Variants in SCGB1D2 observed in about 807,000 individuals in gnomAD.
SCGB1D2 encodes secretoglobin family 1D member 2.
In SCGB1D2, 10 loss-of-function variants were observed where a neutral mutation model predicts 10.5. The observed-to-expected ratio is 0.95, with a 90% CI of 0.59 to 1.61. SCGB1D2 has a LOEUF of 1.61. Among genes scored for constraint, SCGB1D2 ranks in the 40% most tolerant of loss-of-function variants. The pLI is 0.00. For missense variants in SCGB1D2, 113 were observed against 103.8 expected (o/e 1.09, Z -0.38); for synonymous variants, 42 against 42.8 (o/e 0.98, Z 0.08).
At chr11:62,243,107 A>G (rs753609394) in intron 1 of SCGB1D2, among the ~76,000 whole-genome samples, 182 bp from the exon 2 acceptor site, 6 of 152,142 alleles carry the variant, frequency 3.9e-5, no homozygotes, top group Non-Finnish European at 8.8e-5. Flanking sequence ...TGTTGATATG[A>G]AGTGCTTTCC....
At chr11:62,242,416 A>T (rs1312271077) in intron 1 of SCGB1D2, 54 bp downstream of exon 1, 1 of 1,575,436 alleles carries the variant, frequency 6.3e-7, no homozygotes, top group Admixed American at 1.7e-5. Flanking sequence ...ACCCTCTTCC[A>T]AGCACGAGGT....
rs768545378 is a variant in SCGB1D2, at chr11:62,243,339, T to C, written c.106T>C (p.Phe36Leu). ...TGTTTCTGAGCTGTTAGACTTCTTC[T>C]TCATTAGTGAACCTCTGTTCAAGTT... ...ALVSELLDFFFISEPLFKLSL... is the reference protein window; with the variant it reads ...ALVSELLDFFLISEPLFKLSL... The change falls in exon 2 of 3, where the codon TTC becomes CTC. Residue 36 changes from phenylalanine to leucine, a missense_variant. Physicochemically the swap from Phe to Leu is conservative, Grantham distance 22. Transcript: ENST00000244926. 164 of 1,613,960 alleles carry C rather than the reference T, an allele frequency of 1.0e-4. No homozygotes were observed. The highest frequency in any genetic ancestry group is 1.4e-4 in the Non-Finnish European group (160 of 1,179,944).
chr11:62,243,133 T>C (rs569675782), intron 1 of SCGB1D2, among the ~76,000 whole-genome samples, 156 bp from the exon 2 acceptor site: 3 of 152,286 alleles, frequency 2.0e-5, no homozygotes, highest in East Asian at 3.9e-4. Flanking sequence ...TGTGAGAGCT[T>C]GAGGAAGTCA....
intron 2 of SCGB1D2, among the ~76,000 whole-genome samples, chr11:62,244,464 T>C (rs1235869459): frequency 2.0e-5 from 3 of 152,110 alleles, no homozygotes; most frequent in Admixed American, 6.5e-5. Context: ...CCAGGGCTAT[T>C]GGCCTGGCAA....
rs2276427 is a variant in SCGB1D2 at position 62,243,472 on chromosome 11, T to C, written c.239T>C (p.Val80Ala). The change falls in exon 2 of 3, where the codon GTC becomes GCC. Residue 80 changes from valine (V) to alanine (A), a missense_variant. By Grantham distance (64) the Val-to-Ala change is moderately conservative. Coordinates refer to ENST00000244926, the MANE Select transcript of SCGB1D2 (RefSeq NM_006551.4). ...SLQKRSLIAEVLVKILKKCSV is the reference protein window; with the variant it reads ...SLQKRSLIAEALVKILKKCSV ...CAGAAACGAAGCCTCATTGCGGAAG[T>C]CCTGGTAACTTCTTTCTCCTTTATT... 751 of 1,611,938 alleles carry C rather than the reference T, an allele frequency of 4.7e-4. 3 individuals carry two copies. Among genetic ancestry groups the C allele is most frequent in the East Asian group, 4.0e-3 (180 of 44,834 alleles).
Position 62,244,726 on chromosome 11 carries a change from C to T in SCGB1D2, c.*27C>T. ...ATGTAAAAACTTTCATCCTGGTTTC[C>T]ACTGTCTTTCAATGACACCCTGATC... On this transcript the variant is annotated 3_prime_UTR_variant, in exon 3 of 3. Coordinates refer to ENST00000244926, the MANE Select transcript of SCGB1D2 (RefSeq NM_006551.4). 6.3e-7 allele frequency: 1 copy of T among 1,594,196 alleles called. No homozygotes were observed. The highest frequency in any genetic ancestry group is 2.2e-5 in the East Asian group (1 of 44,766).
intron 2 of SCGB1D2, 83 bp downstream of exon 2, chr11:62,243,559 A>G: frequency 8.1e-7 from 1 of 1,234,066 alleles, no homozygotes; most frequent in Non-Finnish European, 1.1e-6. Context: ...TCTGTTGGGG[A>G]CACAGGTGGT....
Position 62,244,809 on chromosome 11 carries a change from C to A in SCGB1D2, c.*110C>A. The A allele has an allele frequency of 2.1e-6, 2 of 950,174 alleles. No homozygotes were observed. The highest frequency in any genetic ancestry group is 3.4e-6 in the Non-Finnish European group (2 of 595,986). 58.9% of individuals were successfully genotyped at this position (950,174 alleles called of 1,614,324 possible). A position where few individuals can be genotyped will look rare whatever the true frequency, so the allele number is the denominator to read the frequency against. On this transcript the variant is annotated 3_prime_UTR_variant, in exon 3 of 3. Transcript: ENST00000244926. The stretch of plus-strand genomic sequence containing the variant: ...GCTTTAATAAATCACTTGCTCTCCA[C>A]GTCTCCACTGGTCTTGTTATAATCC...
intron 1 of SCGB1D2, 63 bp downstream of exon 1, chr11:62,242,425 G>T: frequency 1.9e-6 from 3 of 1,556,540 alleles, no homozygotes. Flanking sequence ...CAAGCACGAG[G>T]TCACCTATTC....
Position 62,242,316 on chromosome 11 carries a change from G to A in SCGB1D2, c.9G>A (p.Leu3=). The A allele has an allele frequency of 6.2e-7, 1 of 1,614,116 alleles. No homozygotes were observed. The highest frequency in any genetic ancestry group is 2.2e-5 in the East Asian group (1 of 44,874). ...CAGCAAAACAAGCCACCATGAAGCT[G>A]TCGGTGTGTCTCCTGCTGGTCACGC... The part of the protein sequence containing the change: MK[L]SVCLLLVTLA... Residue 3 remains leucine (L), a synonymous_variant, in exon 1 of 3, where the codon CTG becomes CTA. Coordinates refer to ENST00000244926, the MANE Select transcript of SCGB1D2 (RefSeq NM_006551.4).
At position 62,242,367 on chromosome 11, in the gene SCGB1D2, G is replaced by A. The variant is rs1288575788; in HGVS notation, c.55+5G>A. ...TGGCCCTCTGCTGCTACCAGGGTGA[G>A]TACATCAGTCATGAGTCTAGCTCCA... On this transcript the variant is annotated splice_donor_5th_base_variant and intron_variant, in intron 1 of 2. Transcript: ENST00000244926. 1.2e-6 allele frequency: 2 copies of A among 1,613,962 alleles called. No homozygotes were observed. The highest frequency in any genetic ancestry group is 2.2e-5 in the South Asian group (2 of 91,074).
rs767301745 is a variant in SCGB1D2, at chr11:62,243,355, T to A, written c.122T>A (p.Leu41Gln). The A allele has an allele frequency of 2.2e-5, 35 of 1,613,948 alleles. No homozygotes were observed. Among genetic ancestry groups the A allele is most frequent in the Non-Finnish European group, 1.9e-5 (23 of 1,179,892 alleles). ...GACTTCTTCTTCATTAGTGAACCTC[T>A]GTTCAAGTTAAGTCTTGCCAAATTT... ...LLDFFFISEP[L>Q]FKLSLAKFDA... The change falls in exon 2 of 3, where the codon CTG becomes CAG. Residue 41 changes from leucine (L) to glutamine (Q), a missense_variant. Transcript: ENST00000244926.
rs755120089 is a variant in SCGB1D2, at chr11:62,242,355, CT to C, written c.49del (p.Tyr17ThrfsTer16). On this transcript the variant is annotated frameshift_variant, in exon 1 of 3. Transcript: ENST00000244926. LOFTEE classifies it high-confidence loss of function. ...TGCTGGTCACGCTGGCCCTCTGCTGCTACCAGGGTGAGTACATCAGTCATGA... is the reference window on the plus strand; with the variant it reads ...TGCTGGTCACGCTGGCCCTCTGCTGCACCAGGGTGAGTACATCAGTCATGA... The part of the protein sequence containing the change: ...LLLVTLALCC[Y>X]QANAEFCPAL... The C allele has an allele frequency of 5.0e-6, 8 of 1,614,062 alleles. No homozygotes were observed. Among genetic ancestry groups the C allele is most frequent in the Non-Finnish European group, 4.2e-6 (5 of 1,179,938 alleles).
At chr11:62,243,611 G>A in intron 2 of SCGB1D2, 135 bp downstream of exon 2, 1 of 702,044 alleles carries the variant, frequency 1.4e-6, no homozygotes, top group East Asian at 2.5e-5. Flanking sequence ...AAGGTCACCT[G>A]GGGCCACAGG....
Position 62,242,269 on chromosome 11 carries a change from T to C in SCGB1D2, c.-39T>C, listed in dbSNP as rs145793664. The C allele has an allele frequency of 1.9e-6, 3 of 1,611,986 alleles. No individual in the cohort carries two copies. Among genetic ancestry groups the C allele is most frequent in the East Asian group, 4.5e-5 (2 of 44,844 alleles). On this transcript the variant is annotated 5_prime_UTR_variant, in exon 1 of 3. Transcript: ENST00000244926. ...CCTGGGGTGGAGTCCAAATCACTCA[T>C]TGTTTGTGAAAGCTGAGCTCACAGC...
intron 1 of SCGB1D2, among the ~76,000 whole-genome samples, chr11:62,242,716 C>G (rs1945073464): frequency 6.6e-6 from 1 of 152,186 alleles, no homozygotes; most frequent in Middle Eastern, 3.2e-3. Context: ...CCCTGAGCCT[C>G]CTCCTATCAC....
At chr11:62,244,631 A>G (rs1274866386) in intron 2 of SCGB1D2, 39 bp from the exon 3 acceptor site, 3 of 1,600,864 alleles carry the variant, frequency 1.9e-6, no homozygotes, top group Non-Finnish European at 2.6e-6. Context: ...CAGCAGCAGC[A>G]TGACTGACCC....
At chr11:62,244,591 C>A in intron 2 of SCGB1D2, 79 bp from the exon 3 acceptor site, 1 of 1,334,176 alleles carries the variant, frequency 7.5e-7, no homozygotes, top group Non-Finnish European at 1.1e-6. Context: ...CAGAATCCCA[C>A]TGGCCTCTTG....
intron 2 of SCGB1D2, 83 bp from the exon 3 acceptor site, chr11:62,244,587 C>T (rs1242552288): frequency 1.6e-6 from 2 of 1,285,958 alleles, no homozygotes; most frequent in Non-Finnish European, 2.2e-6. Context: ...GGGGCAGAAT[C>T]CCACTGGCCT....
Sources: gnomAD v4.1 joint callset for allele counts (sites outside exome capture counted in the v4.1 genomes callset) on GRCh38, gnomAD v4.1.1 for gene constraint, MANE v1.5 for transcripts, NCBI Gene and HGNC (gene_info 2026-07-23, HGNC 2026-07-21) for gene names.